TEX13D: variants seen among roughly 807,000 people sequenced by gnomAD.
The protein encoded by TEX13D is TEX13 family member D.
For synonymous variants in TEX13D, 115 were observed against 104.5 expected (o/e 1.10, Z -0.61); for missense variants, 261 against 265.8 (o/e 0.98, Z 0.12).
rs1426764084 is a variant in TEX13D at position 124,334,190 on chromosome X, G to C, written c.1273G>C (p.Ala425Pro). 6 of 932,475 alleles carry C rather than the reference G, an allele frequency of 6.4e-6. No homozygotes were observed. Among genetic ancestry groups the C allele is most frequent in the Non-Finnish European group, 8.0e-6 (6 of 754,061 alleles). The allele number at this position is 932,475 out of a possible 1,213,427, so 76.8% of individuals were successfully genotyped here. ...EGCSDRAQEM[A>P]TLVFIRRCKP... ...ATGTTCAGATAGGGCCCAGGAGATG[G>C]CCACCCTGGTGTTTATCAGGAGGTG... The change falls in exon 1 of 1, where the codon GCC (alanine) becomes CCC (proline). Residue 425 changes from alanine (A) to proline (P), a missense_variant. By Grantham distance (27) the Ala-to-Pro change is conservative. Transcript: ENST00000632372.
Position 124,334,919 on chromosome X carries a change from C to A in TEX13D, c.2002C>A (p.Gln668Lys). ...PKVNKVSGSQ[Q>K]QEKPASFPVP... Reference sequence around the variant, plus strand: ...AGTGAATAAAGTCTCGGGATCCCAGCAGCAGGAGAAGCCTGCCTCATTTCC... The same window carrying A: ...AGTGAATAAAGTCTCGGGATCCCAGAAGCAGGAGAAGCCTGCCTCATTTCC... Residue 668 changes from glutamine (Q) to lysine (K), a missense_variant, in exon 1 of 1, where the codon CAG becomes AAG. Transcript: ENST00000632372. The A allele has an allele frequency of 1.1e-6, 1 of 938,983 alleles. No homozygotes were observed. Among genetic ancestry groups the A allele is most frequent in the Non-Finnish European group, 1.3e-6 (1 of 756,477 alleles). The allele number at this position is 938,983 out of a possible 1,213,427, so 77.4% of individuals were successfully genotyped here. A position where few individuals can be genotyped will look rare whatever the true frequency, so the allele number is the denominator to read the frequency against.
chrX:124,334,778 C>T lies in TEX13D; in HGVS notation c.1861C>T (p.Pro621Ser), dbSNP rs1172876102. 2 of 937,079 alleles carry T rather than the reference C, an allele frequency of 2.1e-6. No individual in the cohort carries two copies. The highest frequency in any genetic ancestry group is 5.8e-5 in the Admixed American group (1 of 17,254). The allele number at this position is 937,079 out of a possible 1,213,427, so 77.2% of individuals were successfully genotyped here. The part of the protein sequence containing the change: ...ATLVFSRSCK[P>S]EEGPERPQGT... ...CCTGGTGTTTAGCAGGAGCTGCAAA[C>T]CAGAAGAAGGTCCAGAGAGGCCCCA... Residue 621 changes from proline (P) to serine (S), a missense_variant, in exon 1 of 1, where the codon CCA becomes TCA. Transcript: ENST00000632372.
chrX:124,333,951 G>C lies in TEX13D; in HGVS notation c.1034G>C (p.Gly345Ala), dbSNP rs1448167472. 17 of 771,661 alleles carry C rather than the reference G, an allele frequency of 2.2e-5. No homozygotes were observed. Among genetic ancestry groups the C allele is most frequent in the Non-Finnish European group, 2.1e-5 (13 of 604,889 alleles). The allele number at this position is 771,661 out of a possible 1,213,427, so 63.6% of individuals were successfully genotyped here. The change falls in exon 1 of 1, where the codon GGG (glycine) becomes GCG (alanine). Residue 345 changes from glycine to alanine, a missense_variant. Transcript: ENST00000632372. ...SESPQGTAPL[G>A]SSGCHSQEEG... The stretch of plus-strand genomic sequence containing the variant: ...AGTCCCCAGGGGACAGCCCCACTGG[G>C]GAGCAGCGGATGCCACTCCCAGGAA...
At position 124,332,855 on chromosome X, in the gene TEX13D, A is replaced by C. The variant is rs912760565; in HGVS notation, c.-63A>C. The stretch of plus-strand genomic sequence containing the variant: ...GGTTGTCGGCAGCAGCCGGTACCGG[A>C]AGTGGCGGCAGCAGCTGAGGCGACG... On this transcript the variant is annotated 5_prime_UTR_variant, in exon 1 of 1. Transcript: ENST00000632372. The C allele has an allele frequency of 2.9e-6, 1 of 343,633 alleles. No individual in the cohort carries two copies. The highest frequency in any genetic ancestry group is 5.0e-6 in the Non-Finnish European group (1 of 198,883). 28.3% of individuals were successfully genotyped at this position (343,633 alleles called of 1,213,427 possible). A position where few individuals can be genotyped will look rare whatever the true frequency, so the allele number is the denominator to read the frequency against.
Position 124,333,295 on chromosome X carries a change from C to A in TEX13D, c.378C>A (p.His126Gln). ...ATGAGGTGGCGGCAACACAGCTGCA[C>A]CTCGCGCAGGCTGCCCTGCAGCAGG... The part of the protein sequence containing the change: ...LEHEVAATQL[H>Q]LAQAALQQAL... The change falls in exon 1 of 1, where the codon CAC becomes CAA. Residue 126 changes from histidine to glutamine, a missense_variant. Physicochemically the swap from His to Gln is conservative, Grantham distance 24. Transcript: ENST00000632372. The A allele has an allele frequency of 2.4e-6, 1 of 423,704 alleles. No individual in the cohort carries two copies. The highest frequency in any genetic ancestry group is 3.9e-5 in the South Asian group (1 of 25,692). 34.9% of individuals were successfully genotyped at this position (423,704 alleles called of 1,213,427 possible). A position where few individuals can be genotyped will look rare whatever the true frequency, so the allele number is the denominator to read the frequency against.
Position 124,334,695 on chromosome X carries a change from G to A in TEX13D, c.1778G>A (p.Gly593Glu). ...GGGCCCCAGAGGATTGTCCTCCAGG[G>A]AGACAACAGAAGCTATAGCCAGGAA... ...PEGPQRIVLQ[G>E]DNRSYSQEGS... The change falls in exon 1 of 1, where the codon GGA (glycine) becomes GAA (glutamate). Residue 593 changes from glycine to glutamate, a missense_variant. Transcript: ENST00000632372. 1.1e-6 allele frequency: 1 copy of A among 929,368 alleles called. No homozygotes were observed. Among genetic ancestry groups the A allele is most frequent in the Non-Finnish European group, 1.3e-6 (1 of 752,172 alleles). The allele number at this position is 929,368 out of a possible 1,213,427, so 76.6% of individuals were successfully genotyped here. A position where few individuals can be genotyped will look rare whatever the true frequency, so the allele number is the denominator to read the frequency against.
rs767382688 is a variant in TEX13D at position 124,333,892 on chromosome X, C to T, written c.975C>T (p.Pro325=). The T allele has an allele frequency of 5.4e-5, 19 of 352,382 alleles. No individual in the cohort carries two copies. The highest frequency in any genetic ancestry group is 3.7e-4 in the Admixed American group (6 of 16,219). 29.0% of individuals were successfully genotyped at this position (352,382 alleles called of 1,213,427 possible). A position where few individuals can be genotyped will look rare whatever the true frequency, so the allele number is the denominator to read the frequency against. The stretch of plus-strand genomic sequence containing the variant: ...AGAGGTCCCAAAGAATGCCCCTCCC[C>T]GGGGACAGTGGGTGCCACAACCCGC... ...GSERSQRMPL[P]GDSGCHNPLS... The change falls in exon 1 of 1, where the codon CCC becomes CCT. Residue 325 remains proline, a synonymous_variant. Transcript: ENST00000632372.
chrX:124,333,919 G>T lies in TEX13D; in HGVS notation c.1002G>T (p.Leu334=). The T allele has an allele frequency of 1.9e-6, 1 of 535,348 alleles. No individual in the cohort carries two copies. Among genetic ancestry groups the T allele is most frequent in the Non-Finnish European group, 2.6e-6 (1 of 388,679 alleles). The allele number at this position is 535,348 out of a possible 1,213,427, so 44.1% of individuals were successfully genotyped here. ...GGGACAGTGGGTGCCACAACCCGCTGTCAGAGAGTCCCCAGGGGACAGCCC... is the reference window on the plus strand; with the variant it reads ...GGGACAGTGGGTGCCACAACCCGCTTTCAGAGAGTCCCCAGGGGACAGCCC... ...LPGDSGCHNP[L]SESPQGTAPL... Residue 334 remains leucine (L), a synonymous_variant, in exon 1 of 1, where the codon CTG becomes CTT. Transcript: ENST00000632372.
rs1363220073 is a variant in TEX13D at position 124,335,238 on chromosome X, G to C, written c.*176G>C. Reference sequence around the variant, plus strand: ...ACCCAAATTAGCCATTTTAAAAGTTGTTTTGGATACACATACATACAAATA... The same window carrying C: ...ACCCAAATTAGCCATTTTAAAAGTTCTTTTGGATACACATACATACAAATA... On this transcript the variant is annotated 3_prime_UTR_variant, in exon 1 of 1. Coordinates refer to ENST00000632372, the MANE Select transcript of TEX13D (RefSeq NM_001355534.2). The C allele has an allele frequency of 3.3e-6, 1 of 305,926 alleles. No homozygotes were observed. Among genetic ancestry groups the C allele is most frequent in the Non-Finnish European group, 5.5e-6 (1 of 183,476 alleles). The allele number at this position is 305,926 out of a possible 1,213,427, so 25.2% of individuals were successfully genotyped here.
Position 124,334,732 on chromosome X carries a change from G to A in TEX13D, c.1815G>A (p.Glu605=). 1 of 934,693 alleles carries A rather than the reference G, an allele frequency of 1.1e-6. No individual in the cohort carries two copies. The highest frequency in any genetic ancestry group is 4.2e-5 in the East Asian group (1 of 23,986). 77.0% of individuals were successfully genotyped at this position (934,693 alleles called of 1,213,427 possible). A position where few individuals can be genotyped will look rare whatever the true frequency, so the allele number is the denominator to read the frequency against. ...NRSYSQEGSR[E]RAQGMATLVF... is the part of the protein sequence containing the mutation. ...GCTATAGCCAGGAAGGAAGCCGAGA[G>A]AGGGCCCAGGGGATGGCCACCCTGG... Residue 605 remains glutamate, a synonymous_variant, in exon 1 of 1, where the codon GAG becomes GAA. Coordinates refer to ENST00000632372, the MANE Select transcript of TEX13D (RefSeq NM_001355534.2).
In TEX13D at chrX:124,335,349, C is replaced by T; in HGVS notation, c.*287C>T. The T allele has an allele frequency of 6.5e-6, 1 of 152,950 alleles. No homozygotes were observed. Among genetic ancestry groups the T allele is most frequent in the Non-Finnish European group, 1.2e-5 (1 of 80,040 alleles). 12.6% of individuals were successfully genotyped at this position (152,950 alleles called of 1,213,427 possible). On this transcript the variant is annotated 3_prime_UTR_variant, in exon 1 of 1. Coordinates refer to ENST00000632372, the MANE Select transcript of TEX13D (RefSeq NM_001355534.2). The stretch of plus-strand genomic sequence containing the variant: ...TTCTCCTGATTGCATTTAAATTTTG[C>T]AGGTGGTGGATTCTGGATGGCCGAT...
Position 124,333,726 on chromosome X carries a change from C to T in TEX13D, c.809C>T (p.Pro270Leu), listed in dbSNP as rs943279270. 3 of 296,035 alleles carry T rather than the reference C, an allele frequency of 1.0e-5. No individual in the cohort carries two copies. Among genetic ancestry groups the T allele is most frequent in the East Asian group, 4.8e-5 (1 of 20,962 alleles). The allele number at this position is 296,035 out of a possible 1,213,427, so 24.4% of individuals were successfully genotyped here. ...MPPTEIHPPC[P>L]WPAVGFQEEM... Reference sequence around the variant, plus strand: ...CCTACTGAGATCCACCCACCTTGCCCGTGGCCTGCAGTGGGCTTCCAGGAG... The same window carrying T: ...CCTACTGAGATCCACCCACCTTGCCTGTGGCCTGCAGTGGGCTTCCAGGAG... Residue 270 changes from proline (P) to leucine (L), a missense_variant, in exon 1 of 1, where the codon CCG becomes CTG. Pro to Leu is a moderately conservative substitution (Grantham distance 98). Coordinates refer to ENST00000632372, the MANE Select transcript of TEX13D (RefSeq NM_001355534.2).
rs1439184485 is a variant in TEX13D, at chrX:124,335,757, G to A, written c.*695G>A. The stretch of plus-strand genomic sequence containing the variant: ...GAAGATCTTCCAAAGCCAAAAGAAA[G>A]TGAGACTGACTGCAGACTTACTGGC... On this transcript the variant is annotated 3_prime_UTR_variant, in exon 1 of 1. Coordinates refer to ENST00000632372, the MANE Select transcript of TEX13D (RefSeq NM_001355534.2). The A allele has an allele frequency of 8.9e-6, 1 of 112,302 alleles. No homozygotes were observed. The highest frequency in any genetic ancestry group is 2.8e-4 in the East Asian group (1 of 3,603). The allele number at this position is 112,302 out of a possible 1,213,427, so 9.3% of individuals were successfully genotyped here. A position where few individuals can be genotyped will look rare whatever the true frequency, so the allele number is the denominator to read the frequency against.
In TEX13D at chrX:124,334,394, A is replaced by G. The variant is rs2059969266; in HGVS notation, c.1477A>G (p.Arg493Gly). ...AQGMATLVFS[R>G]SCKPEEGPER... ...GGGGATGGCCACCCTGGTGTTTAGC[A>G]GGAGCTGCAAACCAGAAGAAGGTCC... Residue 493 changes from arginine to glycine, a missense_variant, in exon 1 of 1, where the codon AGG becomes GGG. Arg to Gly is a moderately radical substitution (Grantham distance 125). Transcript: ENST00000632372. 2.0e-6 allele frequency: 1 copy of G among 497,027 alleles called. No individual in the cohort carries two copies. Among genetic ancestry groups the G allele is most frequent in the Non-Finnish European group, 2.4e-6 (1 of 419,110 alleles). The allele number at this position is 497,027 out of a possible 1,213,427, so 41.0% of individuals were successfully genotyped here. A position where few individuals can be genotyped will look rare whatever the true frequency, so the allele number is the denominator to read the frequency against.
rs1004722135 is a variant in TEX13D at position 124,333,234 on chromosome X, C to G, written c.317C>G (p.Ala106Gly). Reference sequence around the variant, plus strand: ...GAGGAGCGCCAGGCGACCTCCTGGGCTCTAACGTCCCAGCTGCAGCAGCTG... The same window carrying G: ...GAGGAGCGCCAGGCGACCTCCTGGGGTCTAACGTCCCAGCTGCAGCAGCTG... Reference protein sequence around the residue: ...HAEERQATSWALTSQLQQLRL... With the variant: ...HAEERQATSWGLTSQLQQLRL... Residue 106 changes from alanine to glycine, a missense_variant, in exon 1 of 1, where the codon GCT becomes GGT. Coordinates refer to ENST00000632372, the MANE Select transcript of TEX13D (RefSeq NM_001355534.2). The G allele has an allele frequency of 1.9e-5, 9 of 461,628 alleles. No homozygotes were observed. The highest frequency in any genetic ancestry group is 3.4e-5 in the Non-Finnish European group (9 of 264,460). 38.0% of individuals were successfully genotyped at this position (461,628 alleles called of 1,213,427 possible).
chrX:124,334,022 G>A lies in TEX13D; in HGVS notation c.1105G>A (p.Glu369Lys). 1 of 935,335 alleles carries A rather than the reference G, an allele frequency of 1.1e-6. No homozygotes were observed. Among genetic ancestry groups the A allele is most frequent in the African/African-American group, 2.0e-5 (1 of 48,785 alleles). 77.1% of individuals were successfully genotyped at this position (935,335 alleles called of 1,213,427 possible). A position where few individuals can be genotyped will look rare whatever the true frequency, so the allele number is the denominator to read the frequency against. The stretch of plus-strand genomic sequence containing the variant: ...GGGGATGGATCCCCTGGGGAACAGA[G>A]AGAGACAAAATCAGAAAGAAGGTCC... ...PQGMDPLGNR[E>K]RQNQKEGPKR... The change falls in exon 1 of 1, where the codon GAG becomes AAG. Residue 369 changes from glutamate (E) to lysine (K), a missense_variant. Transcript: ENST00000632372.
chrX:124,333,226 C>T lies in TEX13D; in HGVS notation c.309C>T (p.Thr103=). 2.1e-6 allele frequency: 1 copy of T among 467,328 alleles called. No homozygotes were observed. 38.5% of individuals were successfully genotyped at this position (467,328 alleles called of 1,213,427 possible). A position where few individuals can be genotyped will look rare whatever the true frequency, so the allele number is the denominator to read the frequency against. Residue 103 remains threonine, a synonymous_variant, in exon 1 of 1, where the codon ACC becomes ACT. Coordinates refer to ENST00000632372, the MANE Select transcript of TEX13D (RefSeq NM_001355534.2). ...LQRHAEERQA[T]SWALTSQLQQ... ...GGCATGCGGAGGAGCGCCAGGCGAC[C>T]TCCTGGGCTCTAACGTCCCAGCTGC...
Position 124,334,644 on chromosome X carries a change from G to A in TEX13D, c.1727G>A (p.Ser576Asn), listed in dbSNP as rs1222223489. The change falls in exon 1 of 1, where the codon AGT becomes AAT. Residue 576 changes from serine to asparagine, a missense_variant. Coordinates refer to ENST00000632372, the MANE Select transcript of TEX13D (RefSeq NM_001355534.2). ...PQDTPLGDSRSHIKEEGPEGP... is the reference protein window; with the variant it reads ...PQDTPLGDSRNHIKEEGPEGP... Reference sequence around the variant, plus strand: ...GACACTCCCCTGGGGGACAGCAGAAGTCATATCAAGGAAGAAGGCCCAGAG... The same window carrying A: ...GACACTCCCCTGGGGGACAGCAGAAATCATATCAAGGAAGAAGGCCCAGAG... The A allele has an allele frequency of 6.5e-6, 5 of 767,323 alleles. No individual in the cohort carries two copies. In the East Asian group the frequency reaches 1.8e-4, roughly 28 times the overall value. The allele number at this position is 767,323 out of a possible 1,213,427, so 63.2% of individuals were successfully genotyped here. A position where few individuals can be genotyped will look rare whatever the true frequency, so the allele number is the denominator to read the frequency against.
chrX:124,332,876 C>T lies in TEX13D; in HGVS notation c.-42C>T, dbSNP rs1000827253. The T allele has an allele frequency of 1.3e-4, 46 of 347,163 alleles. No individual in the cohort carries two copies. The highest frequency in any genetic ancestry group is 1.1e-3 in the African/African-American group (41 of 37,156). The allele number at this position is 347,163 out of a possible 1,213,427, so 28.6% of individuals were successfully genotyped here. Reference sequence around the variant, plus strand: ...CCGGAAGTGGCGGCAGCAGCTGAGGCGACGCACCGTGAGGCAGCTGCTTGA... The same window carrying T: ...CCGGAAGTGGCGGCAGCAGCTGAGGTGACGCACCGTGAGGCAGCTGCTTGA... On this transcript the variant is annotated 5_prime_UTR_variant, in exon 1 of 1. Transcript: ENST00000632372.
Sources: allele counts gnomAD v4.1 joint callset, GRCh38; gene constraint gnomAD v4.1.1; transcripts MANE v1.5; gene names NCBI Gene and HGNC (gene_info 2026-07-23, HGNC 2026-07-21).